The following ITPRID1 variants were observed in gnomAD, a reference collection of about 807,000 sequenced individuals.
ITPRID1 encodes the protein protein ITPRID1.
ITPRID1 carries 96 observed loss-of-function variants against 95.4 expected under a neutral mutation model. The ratio of observed to expected loss-of-function variants is 1.01; its 90% CI spans 0.85 to 1.19. The LOEUF (loss-of-function observed/expected upper bound fraction) is 1.19. Among genes scored for constraint, ITPRID1 ranks in the 50% most tolerant of loss-of-function variants. The pLI is 0.00. For missense variants in ITPRID1, 1,339 were observed against 1,252.9 expected, an observed-to-expected ratio of 1.07 and a Z score of -1.04; for synonymous variants, 510 against 453.6, an observed-to-expected ratio of 1.12 and a Z score of -1.58.
At chr7:31,649,964 A>G (rs1035606363) in intron 12 of ITPRID1, among the ~76,000 whole-genome samples, 1 of 152,186 alleles carries the variant, frequency 6.6e-6, no homozygotes, top group Admixed American at 6.5e-5. Flanking sequence ...GAGGGTGAAG[A>G]GTAGGGGCTC....
At chr7:31,574,332 G>T (rs943138696) in intron 7 of ITPRID1, among the ~76,000 whole-genome samples, 10 of 152,106 alleles carry the variant, frequency 6.6e-5, no homozygotes, top group African/African-American at 2.4e-4. Flanking sequence ...TCATAGTTTT[G>T]GATGTAAAGT....
chr7:31,578,178 A>G lies in ITPRID1; in HGVS notation c.914A>G (p.Lys305Arg). 1 of 1,613,834 alleles carries G rather than the reference A, an allele frequency of 6.2e-7. No individual in the cohort carries two copies. Residue 305 changes from lysine (K) to arginine (R), a missense_variant, in exon 9 of 15, where the codon AAG becomes AGG. By Grantham distance (26) the Lys-to-Arg change is conservative. Transcript: ENST00000615280. ...AELAATSINH[K>R]QNHLSLSVEH... ...CTAGCAGCAACCTCAATCAACCACA[A>G]GCAAAATCATTTGTCTCTGTCAGTA... is the stretch of plus-strand genomic sequence containing the variant.
At chr7:31,564,784 G>T (rs551047851) in intron 5 of ITPRID1, among the ~76,000 whole-genome samples, 4 of 152,252 alleles carry the variant, frequency 2.6e-5, no homozygotes, top group African/African-American at 9.6e-5. Flanking sequence ...GTGGGATAGC[G>T]ACGGCAGAAA....
chr7:31,535,784 G>A (rs1010589180), intron 1 of ITPRID1, among the ~76,000 whole-genome samples: 59 of 152,030 alleles, frequency 3.9e-4, no homozygotes, highest in African/African-American at 1.3e-3. Flanking sequence ...TTTGATTTTA[G>A]AAGGGTAAAT....
intron 10 of ITPRID1, among the ~76,000 whole-genome samples, chr7:31,608,120 G>T (rs1186832243): frequency 6.6e-6 from 1 of 151,882 alleles, no homozygotes; most frequent in African/African-American, 2.4e-5. Context: ...AACATCATTT[G>T]TTCCTCCATT....
chr7:31,549,479 GA>G lies in ITPRID1; in HGVS notation c.-40del. 6.6e-7 allele frequency: 1 copy of G among 1,523,464 alleles called. No homozygotes were observed. Among genetic ancestry groups the G allele is most frequent in the Non-Finnish European group, 8.8e-7 (1 of 1,141,840 alleles). The allele number at this position is 1,523,464 out of a possible 1,614,324, so 94.4% of individuals were successfully genotyped here. On this transcript the variant is annotated 5_prime_UTR_variant, in exon 2 of 15. Transcript: ENST00000615280. ...CACACAGAAGAGAAGGAAAAAGAAA[GA>G]AAACTGACCAATATGAGTGGTGATT... is the stretch of plus-strand genomic sequence containing the variant.
intron 8 of ITPRID1, 64 bp downstream of exon 8, chr7:31,574,806 G>C (rs1785122608): frequency 7.1e-7 from 1 of 1,406,274 alleles, no homozygotes; most frequent in African/African-American, 1.4e-5. Flanking sequence ...GTGGGCCACA[G>C]TGTAGGCGAG....
At chr7:31,584,942 A>G (rs1353331106) in intron 10 of ITPRID1, among the ~76,000 whole-genome samples, 1 of 152,104 alleles carries the variant, frequency 6.6e-6, no homozygotes, top group Non-Finnish European at 1.5e-5. Context: ...CTGCTTCCTG[A>G]CTCTTGAGAT....
chr7:31,557,475 A>G (rs1784486709), intron 5 of ITPRID1, among the ~76,000 whole-genome samples: 1 of 152,018 alleles, frequency 6.6e-6, no homozygotes, highest in Admixed American at 6.6e-5. Context: ...GCCTTTTATG[A>G]TGACTCTCTG....
intron 12 of ITPRID1, among the ~76,000 whole-genome samples, chr7:31,645,760 G>A (rs1168926902): frequency 6.6e-6 from 1 of 152,138 alleles, no homozygotes; most frequent in Non-Finnish European, 1.5e-5. Flanking sequence ...ACAACGGGAG[G>A]GGGGTGGTTG....
chr7:31,651,764 GTTGT>G (rs562520571), intron 13 of ITPRID1, among the ~76,000 whole-genome samples, 171 bp from the exon 14 acceptor site: 9 of 134,592 alleles, frequency 6.7e-5, no homozygotes, highest in East Asian at 2.8e-4. Flanking sequence ...CTGCAATAAA[GTTGT>G]TTTTTTTTTT....
chr7:31,657,857 G>GA (rs879343459), downstream of ITPRID1, among the ~76,000 whole-genome samples: 12 of 151,180 alleles, frequency 7.9e-5, no homozygotes, highest in East Asian at 5.8e-4. Flanking sequence ...AAATGAAAAT[G>GA]AAAAAAAAGA....
At chr7:31,557,400 A>G (rs553391811) in intron 5 of ITPRID1, among the ~76,000 whole-genome samples, 5 of 152,234 alleles carry the variant, frequency 3.3e-5, no homozygotes, top group Admixed American at 2.0e-4. Flanking sequence ...GATAGTTGGG[A>G]TAAGGCTTCA....
intron 10 of ITPRID1, among the ~76,000 whole-genome samples, chr7:31,583,478 A>T (rs912328144): frequency 2.6e-5 from 4 of 152,064 alleles, no homozygotes; most frequent in Non-Finnish European, 5.9e-5. Context: ...ATACAAAAAA[A>T]ATTAGCTGGC....
intron 10 of ITPRID1, among the ~76,000 whole-genome samples, chr7:31,636,815 TG>T (rs1331125277): frequency 4.6e-5 from 7 of 151,716 alleles, no homozygotes; most frequent in African/African-American, 1.7e-4. Flanking sequence ...GCCATGTTGG[TG>T]TGCTGCACCC....
intron 10 of ITPRID1, among the ~76,000 whole-genome samples, chr7:31,603,799 A>G (rs530391269): frequency 1.3e-5 from 2 of 152,158 alleles, no homozygotes; most frequent in African/African-American, 4.8e-5. Flanking sequence ...CCAATTTTGC[A>G]TCTCTGTAGC....
chr7:31,613,607 T>A (rs1786981279), intron 10 of ITPRID1, among the ~76,000 whole-genome samples: 1 of 152,212 alleles, frequency 6.6e-6, no homozygotes, highest in African/African-American at 2.4e-5. Context: ...GAATATCAGG[T>A]AGGAAGACAA....
At position 31,516,868 on chromosome 7, in the gene ITPRID1, C is replaced by T. The variant is rs7780329; in HGVS notation, c.-98+2748C>T. The stretch of plus-strand genomic sequence containing the variant: ...CTTCAAGAATGAAGCCACAGACCCT[C>T]GTGTTAAGTGTCACAGTTCTTAAAA... On this transcript the variant is annotated intron_variant, in intron 1 of 14. Coordinates refer to ENST00000615280, the MANE Select transcript of ITPRID1 (RefSeq NM_001257967.3). 7.1e-3 allele frequency among the ~76,000 whole-genome samples: 1,086 copies of T among 152,210 alleles called. 15 individuals are homozygous for T. The highest frequency in any genetic ancestry group is 0.025 in the African/African-American group (1,046 of 41,520).
chr7:31,554,444 G>T (rs781345316), intron 3 of ITPRID1, 31 bp from the exon 4 acceptor site: 2 of 1,607,062 alleles, frequency 1.2e-6, no homozygotes, highest in Admixed American at 3.4e-5. Context: ...GTTGTGCTTT[G>T]ACTAACTGAT....
Sources: gnomAD v4.1 joint callset for allele counts (sites outside exome capture counted in the v4.1 genomes callset) on GRCh38, gnomAD v4.1.1 for gene constraint, MANE v1.5 for transcripts, NCBI Gene and HGNC (gene_info 2026-07-23, HGNC 2026-07-21) for gene names.